Variants in NUP210L observed in about 807,000 individuals in gnomAD.
NUP210L encodes the protein nucleoporin 210 like.
In NUP210L, 74 loss-of-function variants were observed where a neutral mutation model predicts 208.5. The ratio of observed to expected loss-of-function variants is 0.35; its 90% CI spans 0.29 to 0.43. The LOEUF (loss-of-function observed/expected upper bound fraction) is 0.43, where lower values mean the gene tolerates loss of function less well. NUP210L is among the 20% of genes least tolerant of loss of function. The pLI, the probability that NUP210L is intolerant of heterozygous loss-of-function variation, is 1.00. For synonymous variants in NUP210L, 780 were observed against 816.9 expected, an observed-to-expected ratio of 0.95 and a Z score of 0.77; for missense variants, 1,843 against 2,289.4, an observed-to-expected ratio of 0.81 and a Z score of 3.98.
At chr1:154,068,814 G>A in intron 17 of NUP210L, among the ~76,000 whole-genome samples, 1 of 151,960 alleles carries the variant, frequency 6.6e-6, no homozygotes, top group Non-Finnish European at 1.5e-5. Context: ...ATCACACTCT[G>A]GGGACTGTTG....
intron 23 of NUP210L, among the ~76,000 whole-genome samples, chr1:154,055,945 G>C (rs1351732918): frequency 6.6e-6 from 1 of 152,102 alleles, no homozygotes; most frequent in Non-Finnish European, 1.5e-5. Context: ...TGTAATCCCA[G>C]CTACTCAGGA....
exon 35 of NUP210L, chr1:154,010,074 G>T: frequency 1.2e-6 from 2 of 1,614,046 alleles, no homozygotes; most frequent in Non-Finnish European, 1.7e-6. Context: ...AGGGTCGCTG[G>T]AAGAAGTACT....
chr1:154,115,235 T>A (rs1013596758), intron 12 of NUP210L, among the ~76,000 whole-genome samples: 1 of 152,208 alleles, frequency 6.6e-6, no homozygotes, highest in Non-Finnish European at 1.5e-5. Context: ...ACCATTGACC[T>A]GTTAAAAGCC....
chr1:154,006,976 T>C (rs1485847163), intron 35 of NUP210L, among the ~76,000 whole-genome samples: 1 of 117,058 alleles, frequency 8.5e-6, no homozygotes, highest in Non-Finnish European at 1.9e-5. Context: ...ATTTTTTTTT[T>C]TTTTTTAAAT....
rs186537179 is a variant in NUP210L, at chr1:154,016,418, A to T, written c.4653+2515T>A. Reference sequence around the variant, plus strand: ...AGAAGGGAATAGAAAATATTTCATTAAAAAAATCCCTTTATTGTTTACCTA... The same window carrying T: ...AGAAGGGAATAGAAAATATTTCATTTAAAAAATCCCTTTATTGTTTACCTA... On this transcript the variant is annotated intron_variant, in intron 33 of 39. Transcript: ENST00000368559. 9.6e-3 allele frequency among the ~76,000 whole-genome samples: 1,457 copies of T among 152,194 alleles called. 14 individuals are homozygous for T. Among genetic ancestry groups the T allele is most frequent in the Non-Finnish European group, 0.013 (911 of 68,018 alleles).
At chr1:154,003,688 A>C (rs1326715378) in intron 35 of NUP210L, among the ~76,000 whole-genome samples, 1 of 150,704 alleles carries the variant, frequency 6.6e-6, no homozygotes, top group Non-Finnish European at 1.5e-5. Context: ...AGGTCTTGCT[A>C]TGTTGCCCAG....
intron 12 of NUP210L, among the ~76,000 whole-genome samples, chr1:154,112,626 C>A (rs1196367423): frequency 1.3e-5 from 2 of 151,798 alleles, no homozygotes; most frequent in African/African-American, 4.8e-5. Flanking sequence ...GAGGCCAAGG[C>A]GGGAAGATCG....
At chr1:154,056,131 T>G (rs954947425) in intron 23 of NUP210L, among the ~76,000 whole-genome samples, 2 of 152,194 alleles carry the variant, frequency 1.3e-5, no homozygotes, top group Non-Finnish European at 2.9e-5. Context: ...ACCTTTAAAA[T>G]TTGTGCTTTC....
chr1:154,125,541 G>A (rs1020086072), intron 10 of NUP210L, among the ~76,000 whole-genome samples: 1 of 149,972 alleles, frequency 6.7e-6, no homozygotes, highest in Admixed American at 6.8e-5. Context: ...AGGATTGCTT[G>A]AGCCTGGGAG....
intron 12 of NUP210L, among the ~76,000 whole-genome samples, chr1:154,109,663 T>G (rs926795690): frequency 6.6e-6 from 1 of 151,542 alleles, no homozygotes; most frequent in Non-Finnish European, 1.5e-5. Flanking sequence ...AAAACAATTG[T>G]TCAAAAATTC....
chr1:154,061,028 T>C, exon 19 of NUP210L: 2 of 1,611,804 alleles, frequency 1.2e-6, no homozygotes, highest in Non-Finnish European at 1.7e-6. Context: ...TCTACAGATC[T>C]GGGCAAGTTG....
At chr1:154,056,456 T>G (rs1360157597) in intron 23 of NUP210L, among the ~76,000 whole-genome samples, 1 of 152,060 alleles carries the variant, frequency 6.6e-6, no homozygotes, top group Non-Finnish European at 1.5e-5. Flanking sequence ...TCTCTGTCAC[T>G]CAGGCTGGAG....
intron 9 of NUP210L, 63 bp from the exon 10 acceptor site, chr1:154,126,526 A>C: frequency 5.1e-6 from 7 of 1,386,052 alleles, no homozygotes; most frequent in Non-Finnish European, 5.9e-6. Context: ...AGTCATCTTA[A>C]TCCCAAAGCA....
intron 2 of NUP210L, among the ~76,000 whole-genome samples, chr1:154,152,272 G>A (rs1324248879): frequency 2.7e-5 from 4 of 150,876 alleles, no homozygotes; most frequent in Non-Finnish European, 4.4e-5. Flanking sequence ...CCGGGTTCAA[G>A]CGATTCTCCT....
chr1:154,046,071 C>G lies in NUP210L; in HGVS notation c.3694G>C (p.Glu1232Gln), dbSNP rs774724743. ...ACAATAAACAGGCAAATTCTTACCT[C>G]TGAATGCCTGGGCACTAGATCCAAT... is the stretch of plus-strand genomic sequence containing the variant. Residue 1232 changes from glutamate (E) to glutamine (Q), a missense_variant and splice_region_variant, in exon 27 of 40, where the codon GAG becomes CAG. Around this residue, in one of 5 missense-constraint regions of NUP210L, gnomAD observed 781 missense variants for 973.8 expected, o/e 0.80. Transcript: ENST00000368559. The G allele has an allele frequency of 8.1e-5, 130 of 1,613,624 alleles. 1 individual carries two copies. Among genetic ancestry groups the G allele is most frequent in the Non-Finnish European group, 7.6e-6 (9 of 1,179,866 alleles).
At chr1:154,136,587 G>T (rs543939298) in intron 6 of NUP210L, among the ~76,000 whole-genome samples, 2 of 151,870 alleles carry the variant, frequency 1.3e-5, no homozygotes, top group Non-Finnish European at 2.9e-5. Context: ...GTAAGAAAAA[G>T]ATTAACGTTA....
Sources: allele counts gnomAD v4.1 joint callset (sites outside exome capture counted in the v4.1 genomes callset), GRCh38; gene constraint gnomAD v4.1.1; regional missense constraint gnomAD v4.1.1; transcripts MANE v1.5; gene names NCBI Gene and HGNC (gene_info 2026-07-23, HGNC 2026-07-21).